The following ST8SIA5 variants were observed in gnomAD, a reference collection of about 807,000 sequenced individuals.
The protein encoded by ST8SIA5 is ST8 alpha-N-acetyl-neuraminide alpha-2,8-sialyltransferase 5.
In ST8SIA5, 24 loss-of-function variants were observed where a neutral mutation model predicts 40.2. That is an observed-to-expected ratio of 0.60 (90% CI 0.43 to 0.84). The LOEUF (loss-of-function observed/expected upper bound fraction) is 0.84, where lower values mean the gene tolerates loss of function less well. Among genes scored for constraint, ST8SIA5 ranks in the 40% least tolerant of loss-of-function variants. ST8SIA5 has a pLI of 0.00. For synonymous variants in ST8SIA5, 198 were observed against 201.8 expected (o/e 0.98, Z 0.16); for missense variants, 465 against 498.5 (o/e 0.93, Z 0.64).
intron 1 of ST8SIA5, among the ~76,000 whole-genome samples, chr18:46,730,596 G>A (rs1001253248): frequency 7.9e-5 from 12 of 152,138 alleles, no homozygotes; most frequent in Admixed American, 2.0e-4. Context: ...ACTTTGGGAG[G>A]CCAAGGCAGG....
At chr18:46,710,861 C>T (rs2144511288) in intron 1 of ST8SIA5, among the ~76,000 whole-genome samples, 1 of 152,280 alleles carries the variant, frequency 6.6e-6, no homozygotes, top group African/African-American at 2.4e-5. Context: ...AGATGAGGTC[C>T]ATGCATTCAG....
At chr18:46,700,670 G>A (rs1178928298) in intron 2 of ST8SIA5, among the ~76,000 whole-genome samples, 1 of 152,174 alleles carries the variant, frequency 6.6e-6, no homozygotes, top group Non-Finnish European at 1.5e-5. Flanking sequence ...TGTAGAAGAG[G>A]GAGGGCATGC....
intron 1 of ST8SIA5, among the ~76,000 whole-genome samples, chr18:46,726,918 CA>C (rs1322856770): frequency 6.6e-6 from 1 of 152,064 alleles, no homozygotes; most frequent in Non-Finnish European, 1.5e-5. Context: ...TCTCAAAAAA[CA>C]AACAAACAAA....
rs1238254981 is a variant in ST8SIA5 at position 46,686,026 on chromosome 18, GAGA to G, written c.569+145_569+147del. The G allele has an allele frequency of 4.0e-5, 29 of 716,890 alleles. No homozygotes were observed. In the Middle Eastern group the frequency reaches 9.9e-4, roughly 24 times the overall value. 44.4% of individuals were successfully genotyped at this position (716,890 alleles called of 1,614,324 possible). A position where few individuals can be genotyped will look rare whatever the true frequency, so the allele number is the denominator to read the frequency against. On this transcript the variant is annotated intron_variant, in intron 5 of 6. Coordinates refer to ENST00000315087, the MANE Select transcript of ST8SIA5 (RefSeq NM_013305.6). Reference sequence around the variant, plus strand: ...ACTTCCCCAAAGGGATGGGGCTGGAGAGAAGAAGGGATATCCCAGACCTGAGGG... The same window carrying G: ...ACTTCCCCAAAGGGATGGGGCTGGAGAGAAGGGATATCCCAGACCTGAGGG...
At chr18:46,716,188 A>T (rs563897146) in intron 1 of ST8SIA5, among the ~76,000 whole-genome samples, 15 of 152,290 alleles carry the variant, frequency 9.8e-5, no homozygotes, top group Non-Finnish European at 1.9e-4. Context: ...TCTTTTGGTG[A>T]CTAAATTTCC....
chr18:46,734,309 T>C (rs548182876), intron 1 of ST8SIA5, among the ~76,000 whole-genome samples: 11 of 152,136 alleles, frequency 7.2e-5, no homozygotes, highest in South Asian at 4.1e-4. Flanking sequence ...GGGCCTTTCA[T>C]TGGAGGCAAA....
At chr18:46,727,694 G>C (rs748506565) in intron 1 of ST8SIA5, among the ~76,000 whole-genome samples, 11 of 152,108 alleles carry the variant, frequency 7.2e-5, no homozygotes, top group Non-Finnish European at 8.8e-5. Context: ...AACCTAGGGA[G>C]ATTAGATTTA....
At chr18:46,743,324 T>C (rs1045242664) in intron 1 of ST8SIA5, among the ~76,000 whole-genome samples, 3 of 152,148 alleles carry the variant, frequency 2.0e-5, no homozygotes, top group African/African-American at 7.2e-5. Context: ...GAAAAAAGGT[T>C]ACAGGAATGG....
chr18:46,736,756 A>G (rs9675544), intron 1 of ST8SIA5, among the ~76,000 whole-genome samples: 121,316 of 151,980 alleles, frequency 0.8, 48,612 homozygotes, highest in East Asian at 0.85. Flanking sequence ...AATCAGATGG[A>G]ATACCAGGCT....
At chr18:46,732,091 T>C (rs2039990298) in intron 1 of ST8SIA5, among the ~76,000 whole-genome samples, 1 of 152,164 alleles carries the variant, frequency 6.6e-6, no homozygotes. Context: ...TTATTTTTCA[T>C]TTCCCAGTTC....
At chr18:46,756,335 C>T (rs1374450046) in intron 1 of ST8SIA5, 43 bp downstream of exon 1, 1 of 1,600,698 alleles carries the variant, frequency 6.2e-7, no homozygotes, top group Non-Finnish European at 8.5e-7. Flanking sequence ...GGGGGCTCGC[C>T]GGCCGGCTCC....
chr18:46,734,190 T>C (rs1221617239), intron 1 of ST8SIA5, among the ~76,000 whole-genome samples: 3 of 152,178 alleles, frequency 2.0e-5, no homozygotes, highest in African/African-American at 4.8e-5. Context: ...TGCCTGTCCA[T>C]GCTCCTGACT....
Position 46,679,716 on chromosome 18 carries a change from T to C in ST8SIA5, c.*326A>G, listed in dbSNP as rs1447700371. On this transcript the variant is annotated 3_prime_UTR_variant, in exon 7 of 7. Transcript: ENST00000315087. ...TTGTGCTCTCTCTCGGATGACAAAA[T>C]TGGGTGGAAATGTGCTTTATTCACT... 2.9e-6 allele frequency: 1 copy of C among 347,386 alleles called. No homozygotes were observed. Among genetic ancestry groups the C allele is most frequent in the Non-Finnish European group, 5.3e-6 (1 of 187,104 alleles). 21.5% of individuals were successfully genotyped at this position (347,386 alleles called of 1,614,324 possible). A position where few individuals can be genotyped will look rare whatever the true frequency, so the allele number is the denominator to read the frequency against.
At chr18:46,732,044 T>G (rs1277860669) in intron 1 of ST8SIA5, among the ~76,000 whole-genome samples, 3 of 152,216 alleles carry the variant, frequency 2.0e-5, no homozygotes, top group Non-Finnish European at 2.9e-5. Flanking sequence ...GTTGCCACTT[T>G]GCTCATTTGT....
At chr18:46,725,045 AAGGAAAAG>A (rs1221986687) in intron 1 of ST8SIA5, among the ~76,000 whole-genome samples, 3 of 140,888 alleles carry the variant, frequency 2.1e-5, no homozygotes, top group Non-Finnish European at 4.6e-5. Flanking sequence ...GGAAGGAAGG[AAGGAAAAG>A]AGAGAAAGAA....
intron 1 of ST8SIA5, among the ~76,000 whole-genome samples, chr18:46,742,626 G>A (rs2040098403): frequency 6.6e-6 from 1 of 152,238 alleles, no homozygotes; most frequent in African/African-American, 2.4e-5. Context: ...AGGGACCTCT[G>A]TGGGCAGGGC....
rs1435509151 is a variant in ST8SIA5 at position 46,672,533 on chromosome 18, A to T, written c.*7509T>A. ...CCATGGGAACCATCTTCAACTGAAG[A>T]GAGAGTCACTGATTTCTGGCTTTTG... On this transcript the variant is annotated 3_prime_UTR_variant, in exon 7 of 7. Transcript: ENST00000315087. The T allele has an allele frequency of 6.6e-6, 1 of 152,140 alleles. No homozygotes were observed. The highest frequency in any genetic ancestry group is 1.5e-5 in the Non-Finnish European group (1 of 68,034). 9.4% of individuals were successfully genotyped at this position (152,140 alleles called of 1,614,324 possible).
At position 46,680,316 on chromosome 18, in the gene ST8SIA5, G is replaced by T. The variant is rs771745001; in HGVS notation, c.857C>A (p.Ser286Ter). 10 of 1,614,114 alleles carry T rather than the reference G, an allele frequency of 6.2e-6. No homozygotes were observed. The highest frequency in any genetic ancestry group is 1.7e-5 in the Admixed American group (1 of 60,014). ...CACCCCCAGGCTGAGCCAGTAGCGCGACACGTTGACCAGGTACTGCGGATG... is the reference window on the plus strand; with the variant it reads ...CACCCCCAGGCTGAGCCAGTAGCGCTACACGTTGACCAGGTACTGCGGATG... ...YFHPQYLVNV[S>*]RYWLSLGVRA... Residue 286 changes from serine (S) to a stop codon, truncating the protein, a stop_gained, in exon 7 of 7, where the codon TCG (serine) becomes TAG (stop). Transcript: ENST00000315087. LOFTEE classifies it high-confidence loss of function.
chr18:46,724,118 G>C (rs549170121), intron 1 of ST8SIA5, among the ~76,000 whole-genome samples: 72 of 152,358 alleles, frequency 4.7e-4, no homozygotes, highest in Non-Finnish European at 8.7e-4. Context: ...CAAGAGGACT[G>C]TCTCAGTTGC....
Sources: gnomAD v4.1 joint callset for allele counts (sites outside exome capture counted in the v4.1 genomes callset) on GRCh38, gnomAD v4.1.1 for gene constraint, MANE v1.5 for transcripts, NCBI Gene and HGNC (gene_info 2026-07-23, HGNC 2026-07-21) for gene names.